The following RAB11FIP3 variants were observed in gnomAD, a reference collection of about 807,000 sequenced individuals.
The protein encoded by RAB11FIP3 is rab11 family-interacting protein 3.
A neutral mutation model predicts 77.8 loss-of-function variants in RAB11FIP3; 17 were observed. The ratio of observed to expected loss-of-function variants is 0.22; its 90% CI spans 0.15 to 0.33. The LOEUF (loss-of-function observed/expected upper bound fraction) is 0.33. Ranked by LOEUF, RAB11FIP3 falls within the 10% of genes least tolerant of loss-of-function variation. RAB11FIP3 has a pLI of 1.00. For missense variants in RAB11FIP3, 1,005 were observed against 1,011.2 expected (o/e 0.99, Z 0.08); for synonymous variants, 437 against 448.2 (o/e 0.98, Z 0.31).
At chr16:475,893 G>A (rs2055897444) in intron 3 of RAB11FIP3, among the ~76,000 whole-genome samples, 1 of 151,788 alleles carries the variant, frequency 6.6e-6, no homozygotes. Context: ...GTCTCACTCT[G>A]TCACCCAGGC....
rs1006052109 is a variant in RAB11FIP3 at position 497,446 on chromosome 16, A to G, written c.1301+587A>G. On this transcript the variant is annotated intron_variant, in intron 6 of 13. Transcript: ENST00000262305. ...CTGCCGGGTGGCCTCTGCTGCCGTC[A>G]GAGTCTGCCTTTGTGTCTTTATCTG... The G allele has an allele frequency of 1.4e-5, 17 of 1,230,282 alleles. No individual in the cohort carries two copies. In the African/African-American group the frequency reaches 2.2e-4, roughly 16 times the overall value. The allele number at this position is 1,230,282 out of a possible 1,614,324, so 76.2% of individuals were successfully genotyped here.
intron 1 of RAB11FIP3, among the ~76,000 whole-genome samples, chr16:457,201 AG>A (rs2055518530): frequency 6.6e-6 from 1 of 152,096 alleles, no homozygotes; most frequent in Non-Finnish European, 1.5e-5. Flanking sequence ...TCCTGGGAGG[AG>A]TCTCTGGGAT....
chr16:517,176 GA>G (rs2032454286), intron 9 of RAB11FIP3, among the ~76,000 whole-genome samples: 2 of 152,194 alleles, frequency 1.3e-5, no homozygotes, highest in Admixed American at 1.3e-4. Flanking sequence ...CAACGTGGGG[GA>G]CGCTCTACAG....
rs868651748 is a variant in RAB11FIP3, at chr16:492,432, A to G, written c.1265+3432A>G. 2.9e-4 allele frequency among the ~76,000 whole-genome samples: 40 copies of G among 136,814 alleles called. 1 individual carries two copies. Among genetic ancestry groups the G allele is most frequent in the Middle Eastern group, 3.9e-3 (1 of 254 alleles). The allele number at this position is 136,814 out of a possible 152,430, so 89.8% of individuals were successfully genotyped here. ...GAGGCCGCCCAGGGCCCTCCCCGGG[A>G]GACCCGAGGCCGCCCAGGGCCCTTC... On this transcript the variant is annotated intron_variant, in intron 5 of 13. Transcript: ENST00000262305.
chr16:455,925 C>T (rs2055495562), intron 1 of RAB11FIP3, among the ~76,000 whole-genome samples: 1 of 152,140 alleles, frequency 6.6e-6, no homozygotes, highest in Non-Finnish European at 1.5e-5. Flanking sequence ...AAGTGCATCT[C>T]AAATATTTTA....
rs1596264586 is a variant in RAB11FIP3, at chr16:488,772, G to A, written c.1116-79G>A. ...ACGTGTGGCTTGTAGCACACCCTATGGAAAGCACCTTCCACACCCTCAGCT... is the reference window on the plus strand; with the variant it reads ...ACGTGTGGCTTGTAGCACACCCTATAGAAAGCACCTTCCACACCCTCAGCT... On this transcript the variant is annotated intron_variant, in intron 4 of 13. Coordinates refer to ENST00000262305, the MANE Select transcript of RAB11FIP3 (RefSeq NM_014700.4). The A allele has an allele frequency of 3.4e-6, 5 of 1,479,076 alleles. No homozygotes were observed. In the East Asian group the frequency reaches 1.2e-4, roughly 35 times the overall value. 91.6% of individuals were successfully genotyped at this position (1,479,076 alleles called of 1,614,324 possible). A position where few individuals can be genotyped will look rare whatever the true frequency, so the allele number is the denominator to read the frequency against.
intron 9 of RAB11FIP3, among the ~76,000 whole-genome samples, chr16:518,203 C>A (rs2032505862): frequency 6.6e-6 from 1 of 152,234 alleles, no homozygotes; most frequent in South Asian, 2.1e-4. Flanking sequence ...CTCAGCCCCT[C>A]AAGTAGCTGG....
At position 522,506 on chromosome 16, in the gene RAB11FIP3, G is replaced by C. The variant is rs1271600060; in HGVS notation, c.*1667G>C. ...ACGCAGAGGCCGGCTTCTTCCTCCA[G>C]GGGGGCCACAGGGTGGGGTGGGAGT... On this transcript the variant is annotated 3_prime_UTR_variant, in exon 14 of 14. Transcript: ENST00000262305. The C allele has an allele frequency of 6.6e-6, 1 of 152,208 alleles. No homozygotes were observed. Among genetic ancestry groups the C allele is most frequent in the African/African-American group, 2.4e-5 (1 of 41,434 alleles). The allele number at this position is 152,208 out of a possible 1,614,324, so 9.4% of individuals were successfully genotyped here.
At chr16:431,354 C>T (rs2055032184) in intron 1 of RAB11FIP3, among the ~76,000 whole-genome samples, 1 of 151,786 alleles carries the variant, frequency 6.6e-6, no homozygotes. Flanking sequence ...AATAACATTC[C>T]CATTATTTTA....
chr16:512,741 C>A (rs2141890385), intron 9 of RAB11FIP3, among the ~76,000 whole-genome samples: 1 of 151,738 alleles, frequency 6.6e-6, no homozygotes, highest in East Asian at 1.9e-4. Context: ...ACGGGTTTCA[C>A]CATGTTGGCC....
chr16:489,266 C>T (rs184810281), intron 5 of RAB11FIP3, among the ~76,000 whole-genome samples: 29 of 152,336 alleles, frequency 1.9e-4, no homozygotes, highest in African/African-American at 7.0e-4. Flanking sequence ...TGTTTGCACA[C>T]TTGGCTTGCG....
At chr16:434,943 C>T (rs540259466) in intron 1 of RAB11FIP3, among the ~76,000 whole-genome samples, 75 of 152,216 alleles carry the variant, frequency 4.9e-4, no homozygotes, top group African/African-American at 1.6e-3. Context: ...CGGTGGCTCA[C>T]GCCTGTAATC....
intron 1 of RAB11FIP3, among the ~76,000 whole-genome samples, chr16:450,645 T>G (rs1033796473): frequency 2.0e-5 from 3 of 152,170 alleles, no homozygotes; most frequent in African/African-American, 7.2e-5. Flanking sequence ...GCCCCACTTC[T>G]CTTTTTTGTA....
intron 5 of RAB11FIP3, among the ~76,000 whole-genome samples, chr16:492,121 C>T (rs1376271884): frequency 6.6e-6 from 1 of 152,248 alleles, no homozygotes; most frequent in Admixed American, 6.5e-5. Flanking sequence ...CGAGGCACAT[C>T]CTTGCTGGCG....
intron 9 of RAB11FIP3, among the ~76,000 whole-genome samples, chr16:515,520 CGGGCG>C (rs1567409040): frequency 9.3e-5 from 14 of 151,264 alleles, no homozygotes; most frequent in Non-Finnish European, 1.9e-4. Flanking sequence ...AGCAGCCACA[CGGGCG>C]ACACGCACCG....
chr16:480,447 C>T (rs939730520), intron 3 of RAB11FIP3, among the ~76,000 whole-genome samples: 1 of 152,126 alleles, frequency 6.6e-6, no homozygotes, highest in African/African-American at 2.4e-5. Context: ...GCTTCAGCCT[C>T]CTGAGTAGTT....
chr16:487,547 C>T (rs867764287), intron 4 of RAB11FIP3, among the ~76,000 whole-genome samples: 6 of 152,178 alleles, frequency 3.9e-5, no homozygotes, highest in East Asian at 1.9e-4. Flanking sequence ...TGGGTCCGGG[C>T]GGAGCAGAGC....
At chr16:434,544 A>T (rs149674242) in intron 1 of RAB11FIP3, among the ~76,000 whole-genome samples, 33 of 152,258 alleles carry the variant, frequency 2.2e-4, no homozygotes, top group African/African-American at 7.9e-4. Context: ...CTCCCATCTC[A>T]GCCTCCCAGG....
At chr16:455,318 A>G (rs1164521616) in intron 1 of RAB11FIP3, among the ~76,000 whole-genome samples, 3 of 150,604 alleles carry the variant, frequency 2.0e-5, no homozygotes, top group Non-Finnish European at 3.0e-5. Flanking sequence ...CGTCTCTACT[A>G]CAAAAATCAG....
Sources: allele counts gnomAD v4.1 joint callset (sites outside exome capture counted in the v4.1 genomes callset), GRCh38; gene constraint gnomAD v4.1.1; transcripts MANE v1.5; gene names NCBI Gene and HGNC (gene_info 2026-07-23, HGNC 2026-07-21).